SAMD5: variants seen among roughly 807,000 people sequenced by gnomAD.
The protein encoded by SAMD5 is sterile alpha motif domain-containing protein 5.
In SAMD5, 13 loss-of-function variants were observed where a neutral mutation model predicts 11.3. The observed-to-expected ratio is 1.15, with a 90% CI of 0.75 to 1.83. SAMD5 has a LOEUF of 1.83. Ranked by LOEUF, SAMD5 falls within the 40% of genes most tolerant of loss-of-function variation. The pLI, the probability that SAMD5 is intolerant of heterozygous loss-of-function variation, is 0.00. For synonymous variants in SAMD5, 129 were observed against 111.3 expected (o/e 1.16, Z -1.00); for missense variants, 255 against 239.1 (o/e 1.07, Z -0.44).
At chr6:147,745,674 A>T in the SAMD5 span, among the ~76,000 whole-genome samples, 2 of 152,108 alleles carry the variant, frequency 1.3e-5, no homozygotes, top group Admixed American at 1.3e-4. Context: ...ATTACATGTT[A>T]ATTACACCCA....
At chr6:147,927,851 G>T in the SAMD5 span, among the ~76,000 whole-genome samples, 2 of 152,112 alleles carry the variant, frequency 1.3e-5, no homozygotes, top group South Asian at 4.1e-4. Context: ...TCAATATCTA[G>T]TTTACTGAGA....
chr6:147,859,476 A>G, the SAMD5 span, among the ~76,000 whole-genome samples: 92 of 152,346 alleles, frequency 6.0e-4, no homozygotes, highest in Non-Finnish European at 9.0e-4. Flanking sequence ...CCTTGTAAGG[A>G]AAGATAGAAT....
chr6:147,588,287 C>T (rs1789403278), intron 1 of SAMD5, among the ~76,000 whole-genome samples: 1 of 148,304 alleles, frequency 6.7e-6, no homozygotes, highest in Admixed American at 6.8e-5. Flanking sequence ...TAATATCGGC[C>T]ATTTTTTTTT....
the SAMD5 span, among the ~76,000 whole-genome samples, chr6:147,893,306 T>C: frequency 6.6e-6 from 1 of 152,098 alleles, no homozygotes; most frequent in East Asian, 1.9e-4. Context: ...TATGAGGAAA[T>C]GGAGGATTAG....
the SAMD5 span, among the ~76,000 whole-genome samples, chr6:147,821,494 G>A: frequency 6.6e-6 from 1 of 152,138 alleles, no homozygotes; most frequent in African/African-American, 2.4e-5. Context: ...AAGCTCTCAC[G>A]GCTTTGCTCC....
At chr6:147,723,728 C>T (rs543103186) in intron 1 of SAMD5, among the ~76,000 whole-genome samples, 1 of 152,296 alleles carries the variant, frequency 6.6e-6, no homozygotes, top group South Asian at 2.1e-4. Flanking sequence ...TCCCCATATC[C>T]TGCCAACAGC....
At chr6:147,776,682 CTG>C in the SAMD5 span, among the ~76,000 whole-genome samples, 1 of 152,136 alleles carries the variant, frequency 6.6e-6, no homozygotes, top group African/African-American at 2.4e-5. Context: ...AAGTGTAGAA[CTG>C]TTAGTATAGT....
the SAMD5 span, among the ~76,000 whole-genome samples, chr6:147,922,948 C>T: frequency 6.6e-6 from 1 of 152,096 alleles, no homozygotes; most frequent in African/African-American, 2.4e-5. Flanking sequence ...CATTTCTTTC[C>T]TTCCCCCAAC....
intron 1 of SAMD5, among the ~76,000 whole-genome samples, chr6:147,559,814 A>C (rs1033245248): frequency 6.6e-6 from 1 of 152,210 alleles, no homozygotes; most frequent in African/African-American, 2.4e-5. Context: ...ATAGAAAAAG[A>C]GCATATCAGG....
At chr6:147,725,884 A>T (rs1791618934) in intron 1 of SAMD5, among the ~76,000 whole-genome samples, 1 of 152,188 alleles carries the variant, frequency 6.6e-6, no homozygotes. Context: ...CTATTTTTTA[A>T]AAAGGAGATT....
At chr6:147,882,405 A>C in the SAMD5 span, among the ~76,000 whole-genome samples, 41 of 152,280 alleles carry the variant, frequency 2.7e-4, 1 homozygote, top group African/African-American at 9.6e-4. Context: ...GTCATAGTAC[A>C]TGCTCTGAGT....
At chr6:147,678,215 CATT>C (rs1295832567) in intron 1 of SAMD5, among the ~76,000 whole-genome samples, 20 of 152,096 alleles carry the variant, frequency 1.3e-4, no homozygotes, top group African/African-American at 4.1e-4. Context: ...ATTAACATAA[CATT>C]GTTAGCATTT....
the SAMD5 span, among the ~76,000 whole-genome samples, chr6:147,943,090 G>T: frequency 6.6e-6 from 1 of 152,070 alleles, no homozygotes; most frequent in Non-Finnish European, 1.5e-5. Flanking sequence ...CAAAGTGCTG[G>T]GATTACAGGT....
At chr6:147,632,330 G>A (rs929026714) in intron 1 of SAMD5, among the ~76,000 whole-genome samples, 6 of 152,182 alleles carry the variant, frequency 3.9e-5, no homozygotes, top group Non-Finnish European at 7.3e-5. Context: ...CAGCATGGTG[G>A]TGCAGGATAT....
chr6:147,542,663 C>T (rs996613835), intron 1 of SAMD5, among the ~76,000 whole-genome samples: 5 of 152,136 alleles, frequency 3.3e-5, no homozygotes, highest in African/African-American at 1.2e-4. Flanking sequence ...TGGTTGGTGC[C>T]AGCTGATCCG....
intron 1 of SAMD5, among the ~76,000 whole-genome samples, chr6:147,664,669 G>A (rs1195366512): frequency 6.6e-6 from 1 of 151,968 alleles, no homozygotes; most frequent in Non-Finnish European, 1.5e-5. Context: ...AATTTAACTG[G>A]GATTTCTATG....
chr6:147,616,547 G>A (rs949949096), intron 1 of SAMD5, among the ~76,000 whole-genome samples: 2 of 152,032 alleles, frequency 1.3e-5, no homozygotes, highest in Non-Finnish European at 2.9e-5. Context: ...ATATTAATTA[G>A]TAAACAGAGA....
At chr6:147,949,009 A>G in the SAMD5 span, among the ~76,000 whole-genome samples, 2 of 152,226 alleles carry the variant, frequency 1.3e-5, no homozygotes, top group African/African-American at 2.4e-5. Flanking sequence ...AGGGGTGAAG[A>G]AGGTTAGATT....
At chr6:147,556,924 T>C (rs1191431692) in intron 1 of SAMD5, among the ~76,000 whole-genome samples, 1 of 152,196 alleles carries the variant, frequency 6.6e-6, no homozygotes, top group Admixed American at 6.5e-5. Context: ...ATCACAAATA[T>C]TCAAGTAAAT....
Sources: gnomAD v4.1 joint callset for allele counts (sites outside exome capture counted in the v4.1 genomes callset) on GRCh38, gnomAD v4.1.1 for gene constraint, MANE v1.5 for transcripts, NCBI Gene and HGNC (gene_info 2026-07-23, HGNC 2026-07-21) for gene names.